The following GPC6 variants were observed in gnomAD, a reference collection of about 807,000 sequenced individuals.
GPC6 encodes the protein glypican-6.
In GPC6, 14 loss-of-function variants were observed where a neutral mutation model predicts 55.2. The observed-to-expected ratio is 0.25, with a 90% CI of 0.17 to 0.40. The LOEUF (loss-of-function observed/expected upper bound fraction) is 0.40, where lower values mean the gene tolerates loss of function less well. Among genes scored for constraint, GPC6 ranks in the 10% least tolerant of loss-of-function variants. The pLI is 1.00. For synonymous variants in GPC6, 278 were observed against 259.6 expected (o/e 1.07, Z -0.68); for missense variants, 641 against 708.5 (o/e 0.90, Z 1.08).
intron 3 of GPC6, among the ~76,000 whole-genome samples, chr13:93,845,735 A>G (rs1374699427): frequency 6.7e-6 from 1 of 149,198 alleles, no homozygotes; most frequent in Non-Finnish European, 1.5e-5. Flanking sequence ...TCGCAAGAAC[A>G]AAAAACCAAA....
chr13:94,097,589 G>A (rs1055087111), intron 4 of GPC6, among the ~76,000 whole-genome samples: 1 of 151,348 alleles, frequency 6.6e-6, no homozygotes, highest in African/African-American at 2.4e-5. Context: ...AAGTTCTGGA[G>A]ATCTGTCTCA....
At chr13:93,871,846 C>G (rs1343859957) in intron 3 of GPC6, among the ~76,000 whole-genome samples, 3 of 151,802 alleles carry the variant, frequency 2.0e-5, no homozygotes, top group Non-Finnish European at 2.9e-5. Flanking sequence ...GATGGAGATT[C>G]AAATGTTAGA....
At position 93,751,983 on chromosome 13, in the gene GPC6, G is replaced by A. The variant is rs571084566; in HGVS notation, c.320-78171G>A. On this transcript the variant is annotated intron_variant, in intron 2 of 8. Transcript: ENST00000377047. The stretch of plus-strand genomic sequence containing the variant: ...TGCCCTTTAATAATTCTCTCAGGCT[G>A]TATTTTCTCTGACAGTATTTCTAAT... Among the ~76,000 whole-genome samples the A allele has an allele frequency of 1.2e-4, 19 of 152,094 alleles. No individual in the cohort carries two copies. In the South Asian group the frequency reaches 3.9e-3, roughly 32 times the overall value.
At chr13:94,179,686 G>T (rs1309153279) in intron 4 of GPC6, among the ~76,000 whole-genome samples, 1 of 152,144 alleles carries the variant, frequency 6.6e-6, no homozygotes, top group African/African-American at 2.4e-5. Flanking sequence ...TTCTCTAAAA[G>T]TGACTATTTC....
In GPC6 at chr13:94,382,491, G is replaced by A. The variant is rs752105401; in HGVS notation, c.1230G>A (p.Glu410=). 2 of 1,614,220 alleles carry A rather than the reference G, an allele frequency of 1.2e-6. No individual in the cohort carries two copies. Among genetic ancestry groups the A allele is most frequent in the Non-Finnish European group, 8.5e-7 (1 of 1,180,034 alleles). Residue 410 remains glutamate (E), a synonymous_variant, in exon 7 of 9, where the codon GAG becomes GAA. Coordinates refer to ENST00000377047, the MANE Select transcript of GPC6 (RefSeq NM_005708.5). ...SALPYTICKD[E]SVTAGTSNEE... is the part of the protein sequence containing the mutation. ...TACCCTACACTATCTGCAAGGACGA[G>A]AGCGTGACAGCGGGCACGTCCAACG... is the stretch of plus-strand genomic sequence containing the variant.
At chr13:94,195,815 C>T (rs1180515173) in intron 4 of GPC6, among the ~76,000 whole-genome samples, 2 of 152,154 alleles carry the variant, frequency 1.3e-5, no homozygotes, top group Non-Finnish European at 2.9e-5. Context: ...AGAGCCCATA[C>T]CAAGGTACTC....
intron 3 of GPC6, among the ~76,000 whole-genome samples, chr13:93,848,047 T>G (rs1303754666): frequency 6.6e-6 from 1 of 152,142 alleles, no homozygotes; most frequent in African/African-American, 2.4e-5. Flanking sequence ...CAACATTGAC[T>G]CAATTTCTGG....
chr13:93,932,747 C>T (rs1226578380), intron 3 of GPC6, among the ~76,000 whole-genome samples: 2 of 152,052 alleles, frequency 1.3e-5, no homozygotes, highest in African/African-American at 4.8e-5. Context: ...TTGCAGTCAC[C>T]TAATCGTGGA....
chr13:93,895,234 G>GTGTGTGTGTGTGTGTGTGTGTGTGTATA (rs1196315147), intron 3 of GPC6, among the ~76,000 whole-genome samples: 1 of 108,208 alleles, frequency 9.2e-6, no homozygotes, highest in African/African-American at 3.7e-5. Context: ...GTGTGTGTGT[G>GTGTGTGTGTGTGTGTGTGTGTGTGTATA]TATATATATA....
At chr13:94,271,406 A>ACACACACG (rs1892019858) in intron 4 of GPC6, among the ~76,000 whole-genome samples, 1 of 150,996 alleles carries the variant, frequency 6.6e-6, no homozygotes, top group African/African-American at 2.4e-5. Context: ...ACACACACAC[A>ACACACACG]CACTCCATCA....
At chr13:93,795,867 G>T (rs1383154113) in intron 2 of GPC6, among the ~76,000 whole-genome samples, 4 of 152,078 alleles carry the variant, frequency 2.6e-5, no homozygotes, top group African/African-American at 9.7e-5. Context: ...ATTTTGAAAA[G>T]TTAGGAATTT....
In GPC6 at chr13:93,744,378, C is replaced by T. The variant is rs565493659; in HGVS notation, c.320-85776C>T. Reference sequence around the variant, plus strand: ...TTCTAATCTATCCCCTTGAGTTTCTCCATCCCCGTGCATTCCACTTCTTAG... The same window carrying T: ...TTCTAATCTATCCCCTTGAGTTTCTTCATCCCCGTGCATTCCACTTCTTAG... On this transcript the variant is annotated intron_variant, in intron 2 of 8. Coordinates refer to ENST00000377047, the MANE Select transcript of GPC6 (RefSeq NM_005708.5). Among the ~76,000 whole-genome samples, 10 of 152,198 alleles carry T rather than the reference C, an allele frequency of 6.6e-5. No homozygotes were observed. The South Asian group carries it at 8.3e-4, about 13-fold the overall frequency.
intron 1 of GPC6, among the ~76,000 whole-genome samples, chr13:93,431,935 A>T (rs1254431560): frequency 2.6e-5 from 4 of 152,156 alleles, no homozygotes; most frequent in Non-Finnish European, 5.9e-5. Context: ...AGTCAGTTTA[A>T]TGAATTACTG....
chr13:94,214,531 G>C (rs1890172510), intron 4 of GPC6, among the ~76,000 whole-genome samples: 1 of 151,970 alleles, frequency 6.6e-6, no homozygotes, highest in African/African-American at 2.4e-5. Flanking sequence ...TATTAGGTAG[G>C]CAAAGAATCC....
chr13:93,865,331 T>A (rs531646950), intron 3 of GPC6, among the ~76,000 whole-genome samples: 2 of 151,842 alleles, frequency 1.3e-5, no homozygotes, highest in South Asian at 4.1e-4. Flanking sequence ...TCTGGCCTAC[T>A]TCAAGAGCCT....
At chr13:93,959,843 T>C (rs1879685559) in intron 3 of GPC6, among the ~76,000 whole-genome samples, 1 of 152,230 alleles carries the variant, frequency 6.6e-6, no homozygotes, top group Non-Finnish European at 1.5e-5. Flanking sequence ...AACTAAAGCA[T>C]ACAAATTTTA....
At chr13:93,710,732 G>T (rs1390909568) in intron 2 of GPC6, among the ~76,000 whole-genome samples, 1 of 147,698 alleles carries the variant, frequency 6.8e-6, no homozygotes, top group Non-Finnish European at 1.5e-5. Context: ...GAAACTTATA[G>T]AAATTATAGT....
At chr13:94,372,531 G>C (rs1373308629) in intron 6 of GPC6, among the ~76,000 whole-genome samples, 1 of 152,238 alleles carries the variant, frequency 6.6e-6, no homozygotes, top group Non-Finnish European at 1.5e-5. Flanking sequence ...CGCACCACGA[G>C]AGTATATCCC....
At chr13:94,274,750 C>CTT (rs34886785) in intron 4 of GPC6, among the ~76,000 whole-genome samples, 5,661 of 148,258 alleles carry the variant, frequency 0.038, 357 homozygotes, top group African/African-American at 0.13. Context: ...ATATCAACAT[C>CTT]TTTTTTTTTT....
Sources: gnomAD v4.1 joint callset for allele counts (sites outside exome capture counted in the v4.1 genomes callset) on GRCh38, gnomAD v4.1.1 for gene constraint, MANE v1.5 for transcripts, NCBI Gene and HGNC (gene_info 2026-07-23, HGNC 2026-07-21) for gene names.